Variants in EPHB2 observed in about 807,000 individuals in gnomAD.
The protein encoded by EPHB2 is ephrin type-B receptor 2.
A neutral mutation model predicts 96.4 loss-of-function variants in EPHB2; 18 were observed. The ratio of observed to expected loss-of-function variants is 0.19; its 90% CI spans 0.13 to 0.28. The LOEUF is 0.28. Ranked by LOEUF, EPHB2 falls within the 10% of genes least tolerant of loss-of-function variation. EPHB2 has a pLI of 1.00. For missense variants in EPHB2, 989 were observed against 1,355.4 expected, an observed-to-expected ratio of 0.73 and a Z score of 4.25; for synonymous variants, 506 against 534.1, an observed-to-expected ratio of 0.95 and a Z score of 0.72.
At chr1:22,890,186 G>T (rs1009757741) in intron 6 of EPHB2, among the ~76,000 whole-genome samples, 2 of 152,318 alleles carry the variant, frequency 1.3e-5, no homozygotes, top group Admixed American at 6.5e-5. Context: ...TCCCTCATGG[G>T]CTTAGAGTTA....
rs146845738 is a variant in EPHB2, at chr1:22,756,523, G to A, written c.62-24898G>A. 6.2e-3 allele frequency among the ~76,000 whole-genome samples: 938 copies of A among 152,252 alleles called. 9 individuals carry two copies. The highest frequency in any genetic ancestry group is 0.038 in the East Asian group (196 of 5,172). Reference sequence around the variant, plus strand: ...GGCTTTATCTGGGAGTCTCCGGAGGGTGTCCCGTCTGGGTTGAGCAGGCCT... The same window carrying A: ...GGCTTTATCTGGGAGTCTCCGGAGGATGTCCCGTCTGGGTTGAGCAGGCCT... On this transcript the variant is annotated intron_variant, in intron 1 of 15. Coordinates refer to ENST00000374630, the MANE Select transcript of EPHB2 (RefSeq NM_017449.5).
Position 22,751,894 on chromosome 1 carries a change from C to T in EPHB2, c.62-29527C>T, listed in dbSNP as rs1644069154. On this transcript the variant is annotated intron_variant, in intron 1 of 15. Transcript: ENST00000374630. ...GCGGAGAATGAATTAGGGCCATTGT[C>T]CCCATCATAGAGATGAGAATACCCC... Among the ~76,000 whole-genome samples the T allele has an allele frequency of 2.6e-5, 4 of 152,202 alleles. No homozygotes were observed. In the South Asian group the frequency reaches 8.3e-4, roughly 32 times the overall value.
chr1:22,756,362 C>A (rs1160812433), intron 1 of EPHB2, among the ~76,000 whole-genome samples: 2 of 152,012 alleles, frequency 1.3e-5, no homozygotes, highest in Non-Finnish European at 2.9e-5. Context: ...CTGGGACGGT[C>A]CCCTGGGAGA....
intron 6 of EPHB2, among the ~76,000 whole-genome samples, chr1:22,887,583 G>A (rs1639266313): frequency 6.6e-6 from 1 of 152,222 alleles, no homozygotes; most frequent in Admixed American, 6.5e-5. Context: ...TGCGTTGCTA[G>A]ATGGCTTCTG....
chr1:22,791,063 T>G (rs1644684235), intron 3 of EPHB2, among the ~76,000 whole-genome samples: 1 of 152,212 alleles, frequency 6.6e-6, no homozygotes, highest in Admixed American at 6.5e-5. Context: ...CTTTGTTTTC[T>G]CATCTGCAAA....
At chr1:22,749,690 G>C (rs116282165) in intron 1 of EPHB2, among the ~76,000 whole-genome samples, 1 of 152,200 alleles carries the variant, frequency 6.6e-6, no homozygotes, top group East Asian at 1.9e-4. Flanking sequence ...TCTCCTCCCC[G>C]TCCACAGGGT....
At chr1:22,883,774 G>A (rs187907879) in intron 6 of EPHB2, among the ~76,000 whole-genome samples, 54 of 152,222 alleles carry the variant, frequency 3.5e-4, no homozygotes, top group African/African-American at 1.1e-3. Context: ...CATTGCTTGC[G>A]TGCGTGTTCA....
intron 1 of EPHB2, among the ~76,000 whole-genome samples, chr1:22,748,176 T>G (rs527650975): frequency 6.6e-6 from 1 of 152,332 alleles, no homozygotes. Flanking sequence ...TCAATGTGTT[T>G]CCACACGTGA....
At chr1:22,841,280 G>A (rs1645464695) in intron 3 of EPHB2, among the ~76,000 whole-genome samples, 2 of 152,178 alleles carry the variant, frequency 1.3e-5, no homozygotes, top group African/African-American at 4.8e-5. Context: ...AGCTTGTGGA[G>A]GACACATGCT....
intron 13 of EPHB2, 95 bp from the exon 14 acceptor site, chr1:22,910,287 A>T (rs1469130652): frequency 9.3e-6 from 14 of 1,513,050 alleles, no homozygotes; most frequent in Non-Finnish European, 1.3e-5. Context: ...TAAATAGGTC[A>T]GACGTGCAAT....
rs376597441 is a variant in EPHB2, at chr1:22,906,078, C to T, written c.1857C>T (p.Ser619=). The T allele has an allele frequency of 6.2e-7, 1 of 1,614,196 alleles. No homozygotes were observed. The highest frequency in any genetic ancestry group is 1.3e-5 in the African/African-American group (1 of 75,042). The change falls in exon 10 of 16, where the codon TCC becomes TCT. Residue 619 remains serine (S), a synonymous_variant. Coordinates refer to ENST00000374630, the MANE Select transcript of EPHB2 (RefSeq NM_017449.5). The surrounding 1 kb of genome is among the most constrained non-coding windows in gnomAD (Gnocchi z 4.8). ...VREFAKEIDI[S]CVKIEQVIGA... Reference sequence around the variant, plus strand: ...AGTTTGCCAAGGAAATTGACATCTCCTGTGTCAAAATTGAGCAGGTGATCG... The same window carrying T: ...AGTTTGCCAAGGAAATTGACATCTCTTGTGTCAAAATTGAGCAGGTGATCG...
At chr1:22,900,776 C>T (rs942409269) in intron 9 of EPHB2, among the ~76,000 whole-genome samples, 1 of 152,198 alleles carries the variant, frequency 6.6e-6, no homozygotes, top group Non-Finnish European at 1.5e-5. Context: ...TAGATCCAAG[C>T]AGAACTTTGT....
intron 9 of EPHB2, among the ~76,000 whole-genome samples, chr1:22,898,050 C>T (rs1277510987): frequency 1.3e-5 from 2 of 148,856 alleles, no homozygotes; most frequent in African/African-American, 5.0e-5. Flanking sequence ...TTGCAGTGAG[C>T]CGAGGTTGCA....
At chr1:22,864,770 G>C (rs1442108820) in intron 4 of EPHB2, 107 bp from the exon 5 acceptor site, 9 of 691,328 alleles carry the variant, frequency 1.3e-5, no homozygotes, top group South Asian at 3.9e-5. Context: ...AAGAATTTAA[G>C]GAAGTCCTTT....
intron 1 of EPHB2, among the ~76,000 whole-genome samples, chr1:22,721,070 GGTAA>G (rs1643452967): frequency 6.6e-6 from 1 of 152,176 alleles, no homozygotes; most frequent in Non-Finnish European, 1.5e-5. Context: ...TGAAAGACCG[GGTAA>G]GGGGGTGACT....
intron 3 of EPHB2, among the ~76,000 whole-genome samples, chr1:22,859,563 G>A (rs143762341): frequency 0.021 from 3,235 of 152,248 alleles, 112 homozygotes; most frequent in African/African-American, 0.074. Context: ...TGGGAGCCAA[G>A]GCGGGTGGAT....
At chr1:22,802,994 AG>A (rs1434666076) in intron 3 of EPHB2, among the ~76,000 whole-genome samples, 1 of 152,116 alleles carries the variant, frequency 6.6e-6, no homozygotes, top group African/African-American at 2.4e-5. Context: ...TGGGGAGACT[AG>A]GACTAGGATG....
At chr1:22,841,737 C>T (rs1057130398) in intron 3 of EPHB2, among the ~76,000 whole-genome samples, 7 of 152,172 alleles carry the variant, frequency 4.6e-5, no homozygotes, top group Non-Finnish European at 1.0e-4. Flanking sequence ...CAGCCCCATG[C>T]CCTGTCGGCC....
chr1:22,843,994 T>C (rs1434922266), intron 3 of EPHB2, among the ~76,000 whole-genome samples: 1 of 152,266 alleles, frequency 6.6e-6, no homozygotes, highest in Non-Finnish European at 1.5e-5. Flanking sequence ...TTTTTATGGC[T>C]GTGTAGTATT....
Sources: gnomAD v4.1 joint callset for allele counts (sites outside exome capture counted in the v4.1 genomes callset) on GRCh38, gnomAD v4.1.1 for gene constraint, Gnocchi (gnomAD v3.1) non-coding constraint, MANE v1.5 for transcripts, NCBI Gene and HGNC (gene_info 2026-07-23, HGNC 2026-07-21) for gene names.